Variants in COP1 observed in about 807,000 individuals in gnomAD.
COP1 encodes E3 ubiquitin-protein ligase COP1.
COP1 carries 24 observed loss-of-function variants against 101.3 expected under a neutral mutation model. That is an observed-to-expected ratio of 0.24 (90% confidence interval 0.17 to 0.33). The LOEUF (loss-of-function observed/expected upper bound fraction) is 0.33. Ranked by LOEUF, COP1 falls within the 10% of genes least tolerant of loss-of-function variation. COP1 has a pLI of 1.00. For synonymous variants in COP1, 347 were observed against 341.9 expected (o/e 1.01, Z -0.17); for missense variants, 663 against 906.2 (o/e 0.73, Z 3.45).
chr1:176,119,409 TAC>T (rs1686735147), intron 8 of COP1, among the ~76,000 whole-genome samples: 1 of 152,204 alleles, frequency 6.6e-6, no homozygotes. Flanking sequence ...TCTCAGTGTA[TAC>T]AGTGATATAA....
intron 1 of COP1, among the ~76,000 whole-genome samples, chr1:176,192,458 C>T (rs1699211945): frequency 6.6e-6 from 1 of 152,108 alleles, no homozygotes. Flanking sequence ...CAAGACTACC[C>T]GCTTACAATA....
At chr1:176,184,523 G>T (rs149625802) in intron 2 of COP1, 110 bp downstream of exon 2, 1 of 795,788 alleles carries the variant, frequency 1.3e-6, no homozygotes, top group South Asian at 1.9e-5. Context: ...AAAAAAATAT[G>T]ACTGTAACAT....
intron 15 of COP1, among the ~76,000 whole-genome samples, chr1:175,998,062 TTAAA>T (rs1660653585): frequency 1.1e-4 from 4 of 38,022 alleles, no homozygotes; most frequent in South Asian, 1.2e-3. Context: ...TAGAGTATAA[TTAAA>T]AAAAAAAAAA....
chr1:176,148,869 T>C (rs1169128670), intron 6 of COP1, 137 bp downstream of exon 6: 1 of 568,356 alleles, frequency 1.8e-6, no homozygotes, highest in African/African-American at 2.0e-5. Context: ...AAATAACAAA[T>C]CTTAAGGAAA....
chr1:176,069,496 C>A (rs569433223), intron 11 of COP1, among the ~76,000 whole-genome samples: 1 of 152,156 alleles, frequency 6.6e-6, no homozygotes, highest in East Asian at 1.9e-4. Flanking sequence ...ATCCTCCAAT[C>A]GAGTATTCCT....
intron 9 of COP1, among the ~76,000 whole-genome samples, chr1:176,103,651 G>A (rs1683814530): frequency 6.6e-6 from 1 of 152,034 alleles, no homozygotes; most frequent in Non-Finnish European, 1.5e-5. Flanking sequence ...TACAAATTCT[G>A]GATTTTTAGA....
At chr1:176,072,636 G>C (rs1244908527) in intron 11 of COP1, among the ~76,000 whole-genome samples, 1 of 152,148 alleles carries the variant, frequency 6.6e-6, no homozygotes, top group African/African-American at 2.4e-5. Context: ...TAATTATCTA[G>C]AGATGTCTTT....
chr1:176,076,263 A>G (rs540358955), intron 11 of COP1, among the ~76,000 whole-genome samples: 1 of 152,230 alleles, frequency 6.6e-6, no homozygotes, highest in Admixed American at 6.5e-5. Flanking sequence ...TCATAATCAC[A>G]CCAAGCATAA....
At chr1:176,101,914 A>C (rs1683471991) in intron 9 of COP1, among the ~76,000 whole-genome samples, 1 of 152,106 alleles carries the variant, frequency 6.6e-6, no homozygotes, top group Non-Finnish European at 1.5e-5. Flanking sequence ...CTTCCTCCTT[A>C]TCCTTATGGC....
At chr1:176,096,991 T>G (rs1682517247) in intron 9 of COP1, among the ~76,000 whole-genome samples, 1 of 152,186 alleles carries the variant, frequency 6.6e-6, no homozygotes, top group East Asian at 1.9e-4. Flanking sequence ...TGTGCAACCT[T>G]TGCTATTTGT....
intron 3 of COP1, among the ~76,000 whole-genome samples, chr1:176,173,360 G>A (rs187785815): frequency 6.9e-6 from 1 of 145,694 alleles, no homozygotes; most frequent in Non-Finnish European, 1.5e-5. Flanking sequence ...AATTGGCCAG[G>A]CACAATGGCT....
chr1:175,993,516 T>A (rs550272823), intron 15 of COP1, among the ~76,000 whole-genome samples: 2 of 152,152 alleles, frequency 1.3e-5, no homozygotes, highest in East Asian at 3.9e-4. Flanking sequence ...GACGAATGTA[T>A]AACTAGAATA....
At chr1:176,054,598 T>C (rs1443787015) in intron 11 of COP1, among the ~76,000 whole-genome samples, 2 of 152,180 alleles carry the variant, frequency 1.3e-5, no homozygotes, top group Non-Finnish European at 2.9e-5. Context: ...TGGTCTTTCT[T>C]GTCATTCCGA....
At position 176,206,965 on chromosome 1, in the gene COP1, C is replaced by T; in HGVS notation, c.14G>A (p.Arg5His). ...CCCAGCGGAGCCCGACCCGGCCTGG[C>T]GGCTACCAGACATCGTGACTCCCTC... MSGS[R>H]QAGSGSAGTS... is the part of the protein sequence containing the mutation. Residue 5 changes from arginine (R) to histidine (H), a missense_variant, in exon 1 of 20, where the codon CGC becomes CAC. By Grantham distance (29) the Arg-to-His change is conservative (BLOSUM62 0). Transcript: ENST00000367669. 2 of 1,419,682 alleles carry T rather than the reference C, an allele frequency of 1.4e-6. No individual in the cohort carries two copies. The highest frequency in any genetic ancestry group is 1.8e-6 in the Non-Finnish European group (2 of 1,091,636). 87.9% of individuals were successfully genotyped at this position (1,419,682 alleles called of 1,614,324 possible).
intron 5 of COP1, among the ~76,000 whole-genome samples, chr1:176,159,712 C>T (rs1307103316): frequency 6.6e-6 from 1 of 152,020 alleles, no homozygotes; most frequent in Non-Finnish European, 1.5e-5. Context: ...CAGCATGAAA[C>T]CCTTTATATA....
chr1:176,058,304 T>C (rs1674155319), intron 11 of COP1, among the ~76,000 whole-genome samples: 3 of 151,918 alleles, frequency 2.0e-5, no homozygotes, highest in Admixed American at 2.0e-4. Context: ...ATGATGACAA[T>C]GGCGGTTTTG....
At chr1:175,961,796 C>T (rs943066405) in intron 18 of COP1, among the ~76,000 whole-genome samples, 3 of 150,210 alleles carry the variant, frequency 2.0e-5, no homozygotes, top group African/African-American at 7.4e-5. Flanking sequence ...ATAAGAAAGG[C>T]TTCACAGATT....
intron 15 of COP1, among the ~76,000 whole-genome samples, chr1:175,992,324 A>C (rs1419956932): frequency 1.8e-4 from 27 of 152,234 alleles, no homozygotes; most frequent in Non-Finnish European, 2.9e-5. Context: ...AGCGACGCAG[A>C]AGACGGGTGA....
In COP1 at chr1:176,149,094, T is replaced by C; in HGVS notation, c.763-20A>G. 6.7e-7 allele frequency: 1 copy of C among 1,499,228 alleles called. No homozygotes were observed. The highest frequency in any genetic ancestry group is 2.3e-5 in the East Asian group (1 of 43,226). 92.9% of individuals were successfully genotyped at this position (1,499,228 alleles called of 1,614,324 possible). On this transcript the variant is annotated intron_variant, in intron 5 of 19. Coordinates refer to ENST00000367669, the MANE Select transcript of COP1 (RefSeq NM_022457.7). ...TGATTCCTACAATAGAAAATTATAA[T>C]TTTTCTTTTAAAAAATATAACTGAG...
Sources: allele counts gnomAD v4.1 joint callset (sites outside exome capture counted in the v4.1 genomes callset), GRCh38; gene constraint gnomAD v4.1.1; transcripts MANE v1.5; gene names NCBI Gene and HGNC (gene_info 2026-07-23, HGNC 2026-07-21).